PKN3: variants seen among roughly 807,000 people sequenced by gnomAD.
PKN3 encodes serine/threonine-protein kinase N3.
PKN3 carries 91 observed loss-of-function variants against 113.1 expected under a neutral mutation model. The observed-to-expected ratio is 0.80, with a 90% CI of 0.68 to 0.96. PKN3 has a LOEUF of 0.96. Ranked by LOEUF, PKN3 falls within the 40% of genes least tolerant of loss-of-function variation. The pLI, the probability that PKN3 is intolerant of heterozygous loss-of-function variation, is 0.00. For synonymous variants in PKN3, 467 were observed against 499.0 expected (o/e 0.94, Z 0.85); for missense variants, 1,052 against 1,202.2 (o/e 0.88, Z 1.85).
At position 128,717,028 on chromosome 9, in the gene PKN3, A is replaced by G. The variant is rs555391041; in HGVS notation, c.1985+105A>G. 4.8e-6 allele frequency: 4 copies of G among 834,782 alleles called. No homozygotes were observed. The South Asian group carries it at 6.4e-5, about 13-fold the overall frequency. 51.7% of individuals were successfully genotyped at this position (834,782 alleles called of 1,614,324 possible). A position where few individuals can be genotyped will look rare whatever the true frequency, so the allele number is the denominator to read the frequency against. On this transcript the variant is annotated intron_variant, in intron 16 of 21. Transcript: ENST00000291906. Reference sequence around the variant, plus strand: ...TCCAAGTGCCCAACAGCAGGGGAGCAGGAGTCAGAGGCCTTGGTTTACATC... The same window carrying G: ...TCCAAGTGCCCAACAGCAGGGGAGCGGGAGTCAGAGGCCTTGGTTTACATC...
In PKN3 at chr9:128,706,793, C is replaced by A; in HGVS notation, c.492C>A (p.Ser164Arg). The change falls in exon 4 of 22, where the codon AGC (serine) becomes AGA (arginine). Residue 164 changes from serine (S) to arginine (R), a missense_variant. Ser to Arg is a moderately radical substitution (Grantham distance 110). This residue lies in a region of PKN3 where 719 missense variants were observed against 759.4 expected (regional missense o/e 0.95). Coordinates refer to ENST00000291906, the MANE Select transcript of PKN3 (RefSeq NM_013355.5). ...TGGCCCTGCTGCGGATGAAGATCAG[C>A]AGCCTGGAGGCCAGTGGGTCCCCGG... Reference protein sequence around the residue: ...LKVALLRMKISSLEASGSPEP... With the variant: ...LKVALLRMKIRSLEASGSPEP... 5 of 1,610,774 alleles carry A rather than the reference C, an allele frequency of 3.1e-6. No individual in the cohort carries two copies. The highest frequency in any genetic ancestry group is 4.2e-6 in the Non-Finnish European group (5 of 1,178,098).
chr9:128,714,430 G>A, intron 11 of PKN3, 65 bp downstream of exon 11: 2 of 1,396,942 alleles, frequency 1.4e-6, no homozygotes, highest in Middle Eastern at 3.6e-4. Flanking sequence ...CCAGATCCAG[G>A]CGGTATCTGT....
chr9:128,704,943 G>T (rs1452172405), intron 1 of PKN3, among the ~76,000 whole-genome samples: 2 of 151,592 alleles, frequency 1.3e-5, no homozygotes, highest in East Asian at 1.9e-4. Flanking sequence ...AAAAGAAAAA[G>T]AAAAAAGAAA....
chr9:128,714,660 C>T lies in PKN3; in HGVS notation c.1580C>T (p.Thr527Ile). The T allele has an allele frequency of 1.4e-6, 2 of 1,438,692 alleles. No individual in the cohort carries two copies. Among genetic ancestry groups the T allele is most frequent in the Admixed American group, 1.7e-5 (1 of 59,296 alleles). 89.1% of individuals were successfully genotyped at this position (1,438,692 alleles called of 1,614,324 possible). Residue 527 changes from threonine to isoleucine, a missense_variant, in exon 12 of 22, where the codon ACT becomes ATT. Thr to Ile is a moderately conservative substitution (Grantham distance 89). Around this residue, in one of 2 missense-constraint regions of PKN3, gnomAD observed 719 missense variants for 759.4 expected, o/e 0.95. Coordinates refer to ENST00000291906, the MANE Select transcript of PKN3 (RefSeq NM_013355.5). ...YLPQEPTSEE[T>I]PRTKRPHMEP... ...CCCCAGGAGCCAACATCCGAGGAGACTCCGGTGAGGGGCTGGAGGGACTAG... is the reference window on the plus strand; with the variant it reads ...CCCCAGGAGCCAACATCCGAGGAGATTCCGGTGAGGGGCTGGAGGGACTAG...
In PKN3 at chr9:128,704,930, AG is replaced by A. The variant is rs1211673217; in HGVS notation, c.25-372del. Among the ~76,000 whole-genome samples, 4 of 151,652 alleles carry A rather than the reference AG, an allele frequency of 2.6e-5. No individual in the cohort carries two copies. In the East Asian group the frequency reaches 7.8e-4, roughly 30 times the overall value. ...CAAAACTGTCTCAAAAAAAAAAAAA[AG>A]AAAAAGAAAAAGAAAAAAGAAAATG... On this transcript the variant is annotated intron_variant, in intron 1 of 21. Coordinates refer to ENST00000291906, the MANE Select transcript of PKN3 (RefSeq NM_013355.5).
chr9:128,720,660 C>A lies in PKN3; in HGVS notation c.*54C>A, dbSNP rs997604794. 4.0e-6 allele frequency: 6 copies of A among 1,484,472 alleles called. No homozygotes were observed. The African/African-American group carries it at 6.9e-5, about 17-fold the overall frequency. The allele number at this position is 1,484,472 out of a possible 1,614,324, so 92.0% of individuals were successfully genotyped here. On this transcript the variant is annotated 3_prime_UTR_variant, in exon 22 of 22. Coordinates refer to ENST00000291906, the MANE Select transcript of PKN3 (RefSeq NM_013355.5). The surrounding 1 kb of genome is among the most constrained non-coding windows in gnomAD (Gnocchi z 5.5). Reference sequence around the variant, plus strand: ...CCCCCACAGACTGTTAGAGCCTCTGCTCGTTCACCCGTGCGCCCTGCCTGG... The same window carrying A: ...CCCCCACAGACTGTTAGAGCCTCTGATCGTTCACCCGTGCGCCCTGCCTGG...
rs1200829540 is a variant in PKN3, at chr9:128,719,809, A to G, written c.2249A>G (p.Tyr750Cys). 3.1e-6 allele frequency: 5 copies of G among 1,599,792 alleles called. No individual in the cohort carries two copies. Among genetic ancestry groups the G allele is most frequent in the Admixed American group, 1.7e-5 (1 of 59,370 alleles). The stretch of plus-strand genomic sequence containing the variant: ...TGGTGGGGGCTGGGTGTGCTGCTCT[A>G]CGAGATGCTGGTGGGTGAGGTGAGT... Reference protein sequence around the residue: ...VDWWGLGVLLYEMLVGECPFP... With the variant: ...VDWWGLGVLLCEMLVGECPFP... Residue 750 changes from tyrosine to cysteine, a missense_variant, in exon 19 of 22, where the codon TAC (tyrosine) becomes TGC (cysteine). Tyr to Cys is a radical substitution (Grantham distance 194). Coordinates refer to ENST00000291906, the MANE Select transcript of PKN3 (RefSeq NM_013355.5).
Position 128,707,317 on chromosome 9 carries a change from G to A in PKN3, c.747G>A (p.Leu249=). The A allele has an allele frequency of 1.2e-6, 2 of 1,613,988 alleles. No individual in the cohort carries two copies. Among genetic ancestry groups the A allele is most frequent in the Non-Finnish European group, 1.7e-6 (2 of 1,179,978 alleles). Residue 249 remains leucine (L), a synonymous_variant, in exon 6 of 22, where the codon TTG becomes TTA. Coordinates refer to ENST00000291906, the MANE Select transcript of PKN3 (RefSeq NM_013355.5). The part of the protein sequence containing the change: ...LLEQLPPAHP[L]RSRVTRELRA... Reference sequence around the variant, plus strand: ...AGCAACTGCCTCCTGCCCACCCTTTGCGCAGCAGAGTGACCCGAGAGTTGC... The same window carrying A: ...AGCAACTGCCTCCTGCCCACCCTTTACGCAGCAGAGTGACCCGAGAGTTGC...
chr9:128,719,728 C>T lies in PKN3; in HGVS notation c.2168C>T (p.Pro723Leu), dbSNP rs780888710. 24 of 1,590,568 alleles carry T rather than the reference C, an allele frequency of 1.5e-5. No individual in the cohort carries two copies. The highest frequency in any genetic ancestry group is 2.0e-5 in the Non-Finnish European group (23 of 1,167,540). Residue 723 changes from proline to leucine, a missense_variant, in exon 19 of 22, where the codon CCG becomes CTG. Pro to Leu is a moderately conservative substitution (Grantham distance 98). This residue lies in a region of PKN3 where 333 missense variants were observed against 442.8 expected (regional missense o/e 0.75). Coordinates refer to ENST00000291906, the MANE Select transcript of PKN3 (RefSeq NM_013355.5). ...CGGACTAGCACCTTCTGTGGCACCC[C>T]GGAGTTCCTGGCTCCCGAGGTGCTG... ...GDRTSTFCGT[P>L]EFLAPEVLTQ...
chr9:128,704,193 A>G (rs1861940549), intron 1 of PKN3: 2 of 966,500 alleles, frequency 2.1e-6, no homozygotes, highest in African/African-American at 1.8e-5. Context: ...GCCTGAGGTC[A>G]CCTTTGGCAC....
chr9:128,704,156 G>A (rs1460475022), intron 1 of PKN3: 2 of 984,756 alleles, frequency 2.0e-6, no homozygotes, highest in East Asian at 1.1e-4. Context: ...GCAACAGCCC[G>A]TGTTGCGGGG....
chr9:128,714,326 C>T lies in PKN3; in HGVS notation c.1442C>T (p.Pro481Leu). 1.2e-6 allele frequency: 2 copies of T among 1,609,268 alleles called. No individual in the cohort carries two copies. Among genetic ancestry groups the T allele is most frequent in the Non-Finnish European group, 1.7e-6 (2 of 1,177,386 alleles). Residue 481 changes from proline to leucine, a missense_variant, in exon 11 of 22, where the codon CCA (proline) becomes CTA (leucine). By Grantham distance (98) the Pro-to-Leu change is moderately conservative. Coordinates refer to ENST00000291906, the MANE Select transcript of PKN3 (RefSeq NM_013355.5). ...ISPPKGCPRT[P>L]TTLREASDPA... ...CCCCCTAAAGGATGCCCTCGGACCC[C>T]AACAACACTGCGAGAGGCCTCTGAC...
chr9:128,706,938 T>G lies in PKN3; in HGVS notation c.566T>G (p.Val189Gly). The change falls in exon 5 of 22, where the codon GTT becomes GGT. Residue 189 changes from valine (V) to glycine (G), a missense_variant. Around this residue, in one of 2 missense-constraint regions of PKN3, gnomAD observed 719 missense variants for 759.4 expected, o/e 0.95. Transcript: ENST00000291906. ...GAGGAGCTACAGCATCGACTGCACG[T>G]TGAGGCAGCTGTGGCTGAGGGCGCC... Reference protein sequence around the residue: ...LAEELQHRLHVEAAVAEGAKN... With the variant: ...LAEELQHRLHGEAAVAEGAKN... 4 of 1,614,178 alleles carry G rather than the reference T, an allele frequency of 2.5e-6. No individual in the cohort carries two copies. The highest frequency in any genetic ancestry group is 3.4e-6 in the Non-Finnish European group (4 of 1,180,014).
In PKN3 at chr9:128,720,825, C is replaced by G; in HGVS notation, c.*219C>G. The G allele has an allele frequency of 1.7e-6, 1 of 599,530 alleles. No individual in the cohort carries two copies. Among genetic ancestry groups the G allele is most frequent in the Non-Finnish European group, 3.0e-6 (1 of 338,144 alleles). The allele number at this position is 599,530 out of a possible 1,614,324, so 37.1% of individuals were successfully genotyped here. On this transcript the variant is annotated 3_prime_UTR_variant, in exon 22 of 22. Coordinates refer to ENST00000291906, the MANE Select transcript of PKN3 (RefSeq NM_013355.5). This position sits in a 1 kb window ranked among gnomAD's most constrained non-coding sequence, Gnocchi z 5.5. ...CAGCTCGCCCTCTTCTACCTCCCAGCGAGACCTGGCCCAGAAAGGGTGCCG... is the reference window on the plus strand; with the variant it reads ...CAGCTCGCCCTCTTCTACCTCCCAGGGAGACCTGGCCCAGAAAGGGTGCCG...
At chr9:128,703,878 G>C (rs1861928276) in intron 1 of PKN3, 1 of 985,480 alleles carries the variant, frequency 1.0e-6, no homozygotes, top group African/African-American at 1.7e-5. Context: ...TTCCTGCGGG[G>C]CTCCGCCCTG....
rs949945450 is a variant in PKN3 at position 128,703,991 on chromosome 9, T to C, written c.24+1052T>C. ...GCTCTGGCCCTGTGGCCTAGGGCGG[T>C]CAGAGGATTTCCTGAGCCTCGCCCT... On this transcript the variant is annotated intron_variant, in intron 1 of 21. Transcript: ENST00000291906. 6.1e-6 allele frequency: 6 copies of C among 985,266 alleles called. No homozygotes were observed. In the African/African-American group the frequency reaches 1.0e-4, roughly 17 times the overall value. 61.0% of individuals were successfully genotyped at this position (985,266 alleles called of 1,614,324 possible). A position where few individuals can be genotyped will look rare whatever the true frequency, so the allele number is the denominator to read the frequency against.
At chr9:128,705,246 G>T in intron 1 of PKN3, 57 bp from the exon 2 acceptor site, 1 of 1,542,228 alleles carries the variant, frequency 6.5e-7, no homozygotes, top group Non-Finnish European at 8.7e-7. Flanking sequence ...AAAGGCTGCT[G>T]GTGGCCGCTG....
rs774614238 is a variant in PKN3 at position 128,715,145 on chromosome 9, C to A, written c.1653-27C>A. On this transcript the variant is annotated intron_variant, in intron 13 of 21. Transcript: ENST00000291906. This position sits in a 1 kb window ranked among gnomAD's most constrained non-coding sequence, Gnocchi z 4.1. Reference sequence around the variant, plus strand: ...GGGGCCCAGCCAGTGCCCTAGGGGACTTCATATACCCTCTCTTCCTTTGCA... The same window carrying A: ...GGGGCCCAGCCAGTGCCCTAGGGGAATTCATATACCCTCTCTTCCTTTGCA... 1 of 1,611,366 alleles carries A rather than the reference C, an allele frequency of 6.2e-7. No homozygotes were observed. Among genetic ancestry groups the A allele is most frequent in the Non-Finnish European group, 8.5e-7 (1 of 1,177,680 alleles).
At chr9:128,714,756 GA>G in intron 12 of PKN3, 41 bp from the exon 13 acceptor site, 1 of 1,589,528 alleles carries the variant, frequency 6.3e-7, no homozygotes, top group Non-Finnish European at 8.6e-7. Context: ...GGGAAAGAGA[GA>G]AGGAAGCCCA....
Sources: gnomAD v4.1 joint callset for allele counts (sites outside exome capture counted in the v4.1 genomes callset) on GRCh38, gnomAD v4.1.1 for gene constraint, gnomAD v4.1.1 regional missense constraint, Gnocchi (gnomAD v3.1) non-coding constraint, MANE v1.5 for transcripts, NCBI Gene and HGNC (gene_info 2026-07-23, HGNC 2026-07-21) for gene names.